PRKCB: variants seen among roughly 807,000 people sequenced by gnomAD.
PRKCB encodes the protein protein kinase C beta type.
Under a neutral mutation model 81.5 loss-of-function variants are expected in PRKCB, and 13 were observed. That is an observed-to-expected ratio of 0.16 (90% CI 0.10 to 0.25). The LOEUF (loss-of-function observed/expected upper bound fraction) is 0.25. Among genes scored for constraint, PRKCB ranks in the 10% least tolerant of loss-of-function variants. The pLI, the probability that PRKCB is intolerant of heterozygous loss-of-function variation, is 1.00. For synonymous variants in PRKCB, 335 were observed against 321.4 expected (o/e 1.04, Z -0.45); for missense variants, 509 against 875.7 (o/e 0.58, Z 5.29).
intron 7 of PRKCB, among the ~76,000 whole-genome samples, chr16:24,109,532 C>T (rs1323550426): frequency 8.2e-6 from 1 of 122,096 alleles, no homozygotes; most frequent in Non-Finnish European, 1.7e-5. Flanking sequence ...AGACGCTCCT[C>T]ACTTCCTAGA....
At chr16:24,071,969 G>T (rs920934441) in intron 5 of PRKCB, among the ~76,000 whole-genome samples, 2 of 152,058 alleles carry the variant, frequency 1.3e-5, no homozygotes, top group South Asian at 4.1e-4. Context: ...TATCATGAGG[G>T]TGCCCAATTC....
At chr16:24,203,301 A>G (rs1967989370) in intron 16 of PRKCB, 1 of 152,022 alleles carries the variant, frequency 6.6e-6, no homozygotes, top group Admixed American at 6.6e-5. Context: ...TATTTGGCTC[A>G]TGGTTCTGGA....
At chr16:24,141,086 T>A (rs1354724789) in intron 9 of PRKCB, among the ~76,000 whole-genome samples, 1 of 152,234 alleles carries the variant, frequency 6.6e-6, no homozygotes, top group African/African-American at 2.4e-5. Flanking sequence ...ACATGCCTTA[T>A]GTCATGAAAT....
At chr16:24,157,498 C>T (rs1333307638) in intron 10 of PRKCB, among the ~76,000 whole-genome samples, 3 of 151,634 alleles carry the variant, frequency 2.0e-5, no homozygotes, top group African/African-American at 4.9e-5. Flanking sequence ...GACACGTGTG[C>T]TTCCCTTTCT....
chr16:23,917,226 G>C (rs1031481436), intron 2 of PRKCB, among the ~76,000 whole-genome samples: 1 of 152,046 alleles, frequency 6.6e-6, no homozygotes, highest in Non-Finnish European at 1.5e-5. Context: ...GGGATTACAG[G>C]TGTGTGCTAC....
At position 24,073,100 on chromosome 16, in the gene PRKCB, G is replaced by T. The variant is rs546633965; in HGVS notation, c.530-19691G>T. Among the ~76,000 whole-genome samples, 11 of 152,302 alleles carry T rather than the reference G, an allele frequency of 7.2e-5. 1 individual carries two copies. The South Asian group carries it at 2.3e-3, about 32-fold the overall frequency. ...GTTAGTTTCTTCTCCAAGAGCCCTT[G>T]GATGTGATCTGATAATGAAAAGGTG... On this transcript the variant is annotated intron_variant, in intron 5 of 16. Coordinates refer to ENST00000643927, the MANE Select transcript of PRKCB (RefSeq NM_002738.7).
intron 2 of PRKCB, among the ~76,000 whole-genome samples, chr16:23,966,844 C>A (rs914072064): frequency 2.0e-5 from 3 of 152,140 alleles, no homozygotes; most frequent in Admixed American, 2.0e-4. Context: ...AAATTCCCTG[C>A]CCCCTTGGAG....
intron 2 of PRKCB, among the ~76,000 whole-genome samples, chr16:23,872,353 A>G (rs1028077164): frequency 6.6e-6 from 1 of 152,202 alleles, no homozygotes; most frequent in Non-Finnish European, 1.5e-5. Context: ...CTTCGTCTTT[A>G]CAAAAAATTT....
At chr16:24,059,613 G>A (rs1198713095) in intron 5 of PRKCB, among the ~76,000 whole-genome samples, 1 of 152,104 alleles carries the variant, frequency 6.6e-6, no homozygotes, top group East Asian at 1.9e-4. Flanking sequence ...GCTGCAGTAA[G>A]CTATGATCAC....
chr16:24,140,763 AC>A (rs1966890714), intron 9 of PRKCB, among the ~76,000 whole-genome samples: 1 of 152,206 alleles, frequency 6.6e-6, no homozygotes, highest in South Asian at 2.1e-4. Context: ...AAGTCTTGTG[AC>A]TTCTGGAATA....
At position 23,927,447 on chromosome 16, in the gene PRKCB, A is replaced by G. The variant is rs574546804; in HGVS notation, c.206-61061A>G. On this transcript the variant is annotated intron_variant, in intron 2 of 16. Transcript: ENST00000643927. ...AAAGGGCTCATCTGTCCTATGAAAG[A>G]GTGTGTACATTTTATTCTGAGAGTA... Among the ~76,000 whole-genome samples the G allele has an allele frequency of 9.2e-5, 14 of 152,170 alleles. No individual in the cohort carries two copies. In the South Asian group the frequency reaches 2.3e-3, roughly 25 times the overall value.
At chr16:23,958,694 TCTC>T (rs67351529) in intron 2 of PRKCB, among the ~76,000 whole-genome samples, 104,532 of 149,788 alleles carry the variant, frequency 0.7, 38,865 homozygotes, top group East Asian at 0.94. Flanking sequence ...TTCTTCTTCT[TCTC>T]CTCCTCCTCT....
rs750992093 is a variant in PRKCB, at chr16:24,135,062, T to G, written c.1065+11081T>G. ...AACATGTACTTCCACCTAGGTTCAC[T>G]TTTTTCCTTGTGATTTAAAAAAAAA... On this transcript the variant is annotated intron_variant, in intron 9 of 16. Transcript: ENST00000643927. Among the ~76,000 whole-genome samples the G allele has an allele frequency of 2.8e-5, 4 of 143,814 alleles. No homozygotes were observed. The East Asian group carries it at 8.1e-4, about 29-fold the overall frequency. 94.3% of individuals were successfully genotyped at this position (143,814 alleles called of 152,430 possible).
At chr16:24,153,741 G>A (rs1244219835) in intron 9 of PRKCB, among the ~76,000 whole-genome samples, 1 of 152,184 alleles carries the variant, frequency 6.6e-6, no homozygotes, top group Non-Finnish European at 1.5e-5. Flanking sequence ...CCACAGCACA[G>A]CTCATAGAAG....
Position 24,172,351 on chromosome 16 carries a change from C to A in PRKCB, c.1321C>A (p.Pro441Thr), listed in dbSNP as rs1320943482. ...HIQQVGRFKE[P>T]HAVFYAAEIA... ...CCAGCAAGTCGGCCGGTTCAAGGAGCCCCATGCTGTGTAAGTGAGAACTAG... is the reference window on the plus strand; with the variant it reads ...CCAGCAAGTCGGCCGGTTCAAGGAGACCCATGCTGTGTAAGTGAGAACTAG... The change falls in exon 11 of 17, where the codon CCC becomes ACC. Residue 441 changes from proline to threonine, a missense_variant. By Grantham distance (38) the Pro-to-Thr change is conservative (BLOSUM62 -1). Around this residue, in one of 6 missense-constraint regions of PRKCB, gnomAD observed 106 missense variants for 214.0 expected, o/e 0.50. Coordinates refer to ENST00000643927, the MANE Select transcript of PRKCB (RefSeq NM_002738.7). The A allele has an allele frequency of 6.2e-7, 1 of 1,613,614 alleles. No homozygotes were observed. Among genetic ancestry groups the A allele is most frequent in the Non-Finnish European group, 8.5e-7 (1 of 1,179,762 alleles).
chr16:24,150,217 G>T (rs550388921), intron 9 of PRKCB, among the ~76,000 whole-genome samples: 1 of 152,282 alleles, frequency 6.6e-6, no homozygotes, highest in East Asian at 1.9e-4. Flanking sequence ...TGTAATCCCA[G>T]CTACTTGGGA....
intron 10 of PRKCB, among the ~76,000 whole-genome samples, chr16:24,165,749 A>G (rs1048059691): frequency 1.3e-5 from 2 of 152,212 alleles, no homozygotes; most frequent in Admixed American, 6.5e-5. Flanking sequence ...TGACTTTAGT[A>G]TGAAATTTAA....
At chr16:24,055,462 A>C (rs1211543239) in intron 5 of PRKCB, among the ~76,000 whole-genome samples, 1 of 152,214 alleles carries the variant, frequency 6.6e-6, no homozygotes, top group African/African-American at 2.4e-5. Flanking sequence ...TTGGGCTTTC[A>C]CGTCGGCTTC....
intron 2 of PRKCB, among the ~76,000 whole-genome samples, chr16:23,891,072 G>T (rs1230153221): frequency 1.7e-5 from 2 of 119,882 alleles, no homozygotes; most frequent in East Asian, 4.0e-4. Flanking sequence ...TTGAGACAGG[G>T]TCTTGCTAGA....
Sources: gnomAD v4.1 joint callset for allele counts (sites outside exome capture counted in the v4.1 genomes callset) on GRCh38, gnomAD v4.1.1 for gene constraint, gnomAD v4.1.1 regional missense constraint, MANE v1.5 for transcripts, NCBI Gene and HGNC (gene_info 2026-07-23, HGNC 2026-07-21) for gene names.